Variants in RASGRF1 observed in about 807,000 individuals in gnomAD.
RASGRF1 encodes Ras protein specific guanine nucleotide releasing factor 1, also known as ras-specific guanine nucleotide-releasing factor 1.
In RASGRF1, 40 loss-of-function variants were observed where a neutral mutation model predicts 138.7. The ratio of observed to expected loss-of-function variants is 0.29; its 90% CI spans 0.22 to 0.38. RASGRF1 has a LOEUF of 0.38. Ranked by LOEUF, RASGRF1 falls within the 10% of genes least tolerant of loss-of-function variation. The probability of loss-of-function intolerance (pLI) is 1.00; values close to 1 mark genes in which losing one functional copy is unlikely to be tolerated. For missense variants in RASGRF1, 1,108 were observed against 1,650.4 expected, an observed-to-expected ratio of 0.67 and a Z score of 5.69; for synonymous variants, 614 against 663.2, an observed-to-expected ratio of 0.93 and a Z score of 1.14.
intron 1 of RASGRF1, among the ~76,000 whole-genome samples, chr15:79,082,227 T>G (rs1224064749): frequency 6.6e-6 from 1 of 152,246 alleles, no homozygotes; most frequent in Non-Finnish European, 1.5e-5. Flanking sequence ...TTTCTGGCGC[T>G]CTGTGTCCAG....
rs570815321 is a variant in RASGRF1, at chr15:78,973,269, C to A, written c.3612+34G>T. On this transcript the variant is annotated intron_variant, in intron 25 of 26. Transcript: ENST00000558480. This position sits in a 1 kb window ranked among gnomAD's most constrained non-coding sequence, Gnocchi z 4.9. ...AGGTTGAGTCATCTGGGCTTCAACG[C>A]CCCCCTTCCCCTGCCTGGCTGGGGG... 4 of 1,526,156 alleles carry A rather than the reference C, an allele frequency of 2.6e-6. No homozygotes were observed. The highest frequency in any genetic ancestry group is 1.7e-4 in the Middle Eastern group (1 of 5,780). The allele number at this position is 1,526,156 out of a possible 1,614,324, so 94.5% of individuals were successfully genotyped here.
intron 20 of RASGRF1, among the ~76,000 whole-genome samples, chr15:78,995,041 C>T (rs1441131339): frequency 1.3e-5 from 2 of 151,862 alleles, no homozygotes; most frequent in African/African-American, 4.8e-5. Flanking sequence ...AGTCCTCCCA[C>T]TTCAACCTCC....
At chr15:79,013,736 G>A (rs531150895) in intron 13 of RASGRF1, among the ~76,000 whole-genome samples, 7 of 152,258 alleles carry the variant, frequency 4.6e-5, no homozygotes, top group African/African-American at 1.7e-4. Context: ...TGTGGTGAGG[G>A]GGTTAGGCGT....
At position 79,014,039 on chromosome 15, in the gene RASGRF1, T is replaced by C. The variant is rs1449055769; in HGVS notation, c.1826+1288A>G. Reference sequence around the variant, plus strand: ...CCACATGTACAAAACAGATGAACCATAACAAAACTAAGCCAAAGCACCATA... The same window carrying C: ...CCACATGTACAAAACAGATGAACCACAACAAAACTAAGCCAAAGCACCATA... On this transcript the variant is annotated intron_variant, in intron 13 of 26. Coordinates refer to ENST00000558480, the MANE Select transcript of RASGRF1 (RefSeq NM_001145648.3). Among the ~76,000 whole-genome samples the C allele has an allele frequency of 1.3e-5, 2 of 152,168 alleles. 1 individual carries two copies. The highest frequency in any genetic ancestry group is 3.8e-4 in the East Asian group (2 of 5,202).
intron 13 of RASGRF1, chr15:79,012,488 C>T (rs201002619): frequency 1.5e-4 from 236 of 1,585,206 alleles, no homozygotes; most frequent in Non-Finnish European, 1.6e-4. Flanking sequence ...GGAGACCCCA[C>T]CTGCTCATTT....
chr15:78,991,986 GGAGATGGGCC>G lies in RASGRF1; in HGVS notation c.3028-202_3028-193del, dbSNP rs1335729484. Among the ~76,000 whole-genome samples, 6 of 152,198 alleles carry G rather than the reference GGAGATGGGCC, an allele frequency of 3.9e-5. No individual in the cohort carries two copies. The East Asian group carries it at 7.7e-4, about 20-fold the overall frequency. ...GGGAGGTGGAGGGAAGGGGACGGAG[GGAGATGGGCC>G]CCGCCCTGTTGTGCCGGTGTGTGCA... On this transcript the variant is annotated intron_variant, in intron 20 of 26. Transcript: ENST00000558480.
At chr15:79,051,787 T>G (rs776540821) in intron 3 of RASGRF1, among the ~76,000 whole-genome samples, 1 of 152,154 alleles carries the variant, frequency 6.6e-6, no homozygotes, top group Admixed American at 6.5e-5. Flanking sequence ...TATTTAAGGA[T>G]CAAGCTAAGT....
At position 79,090,553 on chromosome 15, in the gene RASGRF1, C is replaced by G; in HGVS notation, c.-55G>C. 6.3e-7 allele frequency: 1 copy of G among 1,581,344 alleles called. No individual in the cohort carries two copies. Among genetic ancestry groups the G allele is most frequent in the Non-Finnish European group, 8.6e-7 (1 of 1,165,318 alleles). ...GCTTACATCTTCTCCGCGCAGCAGC[C>G]CCCCGTCCGTGCGCGCTGCGCGCTG... On this transcript the variant is annotated 5_prime_UTR_variant, in exon 1 of 27. Transcript: ENST00000558480.
intron 26 of RASGRF1, among the ~76,000 whole-genome samples, chr15:78,971,428 A>G (rs1315657722): frequency 6.6e-6 from 1 of 152,228 alleles, no homozygotes; most frequent in Non-Finnish European, 1.5e-5. Context: ...ATGGTATGCA[A>G]AGTTGGCTTG....
Position 79,049,531 on chromosome 15 carries a change from T to C in RASGRF1, c.589A>G (p.Asn197Asp), listed in dbSNP as rs774664196. Residue 197 changes from asparagine to aspartate, a missense_variant, in exon 4 of 27, where the codon AAC becomes GAC. Physicochemically the swap from Asn to Asp is conservative, Grantham distance 23 (BLOSUM62 1). This residue lies in a region of RASGRF1 where 253 missense variants were observed against 329.5 expected (regional missense o/e 0.77). Transcript: ENST00000558480. ...RIQSTQTVAP[N>D]DEDSDIKKIK... Reference sequence around the variant, plus strand: ...TTCTTGATGTCGCTGTCTTCATCGTTGGGGGCGACAGTCTGGGTGGACTGG... The same window carrying C: ...TTCTTGATGTCGCTGTCTTCATCGTCGGGGGCGACAGTCTGGGTGGACTGG... The C allele has an allele frequency of 1.2e-5, 20 of 1,614,018 alleles. No individual in the cohort carries two copies. Among genetic ancestry groups the C allele is most frequent in the Middle Eastern group, 1.7e-4 (1 of 6,048 alleles).
rs139454737 is a variant in RASGRF1, at chr15:78,976,633, T to C, written c.3495-3213A>G. 5.8e-3 allele frequency among the ~76,000 whole-genome samples: 879 copies of C among 151,642 alleles called. 9 individuals carry two copies. Among genetic ancestry groups the C allele is most frequent in the African/African-American group, 0.02 (822 of 41,328 alleles). ...TGGGCAAATGTATGGAGTTGCCAGA[T>C]TGGGACAGAGGACTGCTGGAGGGCC... is the stretch of plus-strand genomic sequence containing the variant. On this transcript the variant is annotated intron_variant, in intron 24 of 26. Coordinates refer to ENST00000558480, the MANE Select transcript of RASGRF1 (RefSeq NM_001145648.3).
rs1424394921 is a variant in RASGRF1, at chr15:79,027,870, G to A, written c.1263-11C>T. The stretch of plus-strand genomic sequence containing the variant: ...TCATCGTGCATTATTCTGTGGGGAT[G>A]GGAAACTGCACAGTCAGAGACAGGC... On this transcript the variant is annotated splice_polypyrimidine_tract_variant and intron_variant, in intron 8 of 26. Transcript: ENST00000558480. The surrounding 1 kb of genome is among the most constrained non-coding windows in gnomAD (Gnocchi z 4.8). 1.3e-5 allele frequency: 21 copies of A among 1,613,328 alleles called. No homozygotes were observed. The highest frequency in any genetic ancestry group is 3.3e-4 in the Middle Eastern group (2 of 6,084).
intron 26 of RASGRF1, among the ~76,000 whole-genome samples, chr15:78,963,750 T>C (rs1024000339): frequency 6.6e-6 from 1 of 152,208 alleles, no homozygotes. Flanking sequence ...GATAAAGTGA[T>C]TACTATGTCT....
chr15:79,032,657 C>T lies in RASGRF1; in HGVS notation c.959-341G>A, dbSNP rs555813550. On this transcript the variant is annotated intron_variant, in intron 6 of 26. Coordinates refer to ENST00000558480, the MANE Select transcript of RASGRF1 (RefSeq NM_001145648.3). The surrounding 1 kb of genome is among the most constrained non-coding windows in gnomAD (Gnocchi z 4.5). ...CCCAGCTGCCAGGAGTGCTGGTGGC[C>T]GATGGCTGTCAGCTGGGTCCCTCTC... 1.6e-4 allele frequency among the ~76,000 whole-genome samples: 24 copies of T among 152,180 alleles called. No individual in the cohort carries two copies. The highest frequency in any genetic ancestry group is 3.9e-4 in the Admixed American group (6 of 15,286).
chr15:78,985,554 A>T (rs8026479), intron 22 of RASGRF1: 24,382 of 189,686 alleles, frequency 0.13, 1,723 homozygotes, highest in African/African-American at 0.16. Flanking sequence ...GAAAGAGATC[A>T]AATTCCCAAA....
intron 1 of RASGRF1, among the ~76,000 whole-genome samples, chr15:79,066,366 C>T (rs1179344236): frequency 6.6e-6 from 1 of 152,156 alleles, no homozygotes; most frequent in Non-Finnish European, 1.5e-5. Context: ...TGGGCTTGGC[C>T]CTGGGATGCA....
At chr15:79,074,525 G>A (rs146401593) in intron 1 of RASGRF1, among the ~76,000 whole-genome samples, 20 of 152,298 alleles carry the variant, frequency 1.3e-4, no homozygotes, top group Non-Finnish European at 1.9e-4. Flanking sequence ...TCACCTGGGC[G>A]GGAGGCCCAG....
chr15:79,007,030 A>G (rs772756864), intron 13 of RASGRF1, among the ~76,000 whole-genome samples: 9 of 152,226 alleles, frequency 5.9e-5, no homozygotes, highest in African/African-American at 1.9e-4. Flanking sequence ...ATATGTGTAC[A>G]TGAATGTTCT....
In RASGRF1 at chr15:78,980,683, T is replaced by C; in HGVS notation, c.3431A>G (p.Asp1144Gly). Residue 1144 changes from aspartate (D) to glycine (G), a missense_variant, in exon 24 of 27, where the codon GAT becomes GGT. Coordinates refer to ENST00000558480, the MANE Select transcript of RASGRF1 (RefSeq NM_001145648.3). ...AGATGACACAAGCTTTTGGAGCTTA[T>C]CAATCAAAGCTTTAGTCTAGAAGGA... ...KVSKQTKALI[D>G]KLQKLVSSEG... The C allele has an allele frequency of 2.5e-6, 4 of 1,604,648 alleles. No individual in the cohort carries two copies. Among genetic ancestry groups the C allele is most frequent in the Non-Finnish European group, 3.4e-6 (4 of 1,172,158 alleles).
Sources: gnomAD v4.1 joint callset for allele counts (sites outside exome capture counted in the v4.1 genomes callset) on GRCh38, gnomAD v4.1.1 for gene constraint, gnomAD v4.1.1 regional missense constraint, Gnocchi (gnomAD v3.1) non-coding constraint, MANE v1.5 for transcripts, NCBI Gene and HGNC (gene_info 2026-07-23, HGNC 2026-07-21) for gene names.